Variants in CWF19L2 observed in about 807,000 individuals in gnomAD.
CWF19L2 encodes the protein CWF19-like protein 2.
A neutral mutation model predicts 111.7 loss-of-function variants in CWF19L2; 98 were observed. The ratio of observed to expected loss-of-function variants is 0.88; its 90% CI spans 0.75 to 1.04. CWF19L2 has a LOEUF of 1.04. Among genes scored for constraint, CWF19L2 ranks in the 50% least tolerant of loss-of-function variants. The probability of loss-of-function intolerance (pLI) is 0.00; values close to 1 mark genes in which losing one functional copy is unlikely to be tolerated. For missense variants in CWF19L2, 1,101 were observed against 1,051.4 expected, an observed-to-expected ratio of 1.05 and a Z score of -0.65; for synonymous variants, 351 against 342.9, an observed-to-expected ratio of 1.02 and a Z score of -0.26.
intron 16 of CWF19L2, among the ~76,000 whole-genome samples, chr11:107,332,887 G>A (rs892260304): frequency 1.3e-5 from 2 of 151,850 alleles, no homozygotes; most frequent in East Asian, 1.9e-4. Context: ...TTTGGGAGGC[G>A]GAGGCGGGCA....
intron 16 of CWF19L2, among the ~76,000 whole-genome samples, chr11:107,331,356 ATAT>A (rs542586148): frequency 2.2e-4 from 33 of 152,196 alleles, no homozygotes; most frequent in Admixed American, 2.6e-4. Context: ...GACTTTGCAG[ATAT>A]TATTAAGGAT....
chr11:107,383,088 T>A (rs1240880884), intron 12 of CWF19L2, among the ~76,000 whole-genome samples: 1 of 152,226 alleles, frequency 6.6e-6, no homozygotes, highest in Admixed American at 6.5e-5. Context: ...TATGATAACC[T>A]TTATAATAAA....
At chr11:107,450,262 C>T (rs1861759979) in intron 3 of CWF19L2, among the ~76,000 whole-genome samples, 1 of 151,854 alleles carries the variant, frequency 6.6e-6, no homozygotes, top group Admixed American at 6.6e-5. Context: ...AGATCATAGG[C>T]TAGAATATAA....
rs1389542374 is a variant in CWF19L2 at position 107,334,866 on chromosome 11, A to G, written c.2439+15T>C. 1 of 1,504,456 alleles carries G rather than the reference A, an allele frequency of 6.6e-7. No homozygotes were observed. Among genetic ancestry groups the G allele is most frequent in the Non-Finnish European group, 9.2e-7 (1 of 1,082,938 alleles). 93.2% of individuals were successfully genotyped at this position (1,504,456 alleles called of 1,614,324 possible). A position where few individuals can be genotyped will look rare whatever the true frequency, so the allele number is the denominator to read the frequency against. On this transcript the variant is annotated intron_variant, in intron 16 of 17. Coordinates refer to ENST00000282251, the MANE Select transcript of CWF19L2 (RefSeq NM_152434.3). ...CACTAGGGTAATTTCTTTTACCAGG[A>G]AAAAACATACTTACAGACTTTCTGA... is the stretch of plus-strand genomic sequence containing the variant.
chr11:107,379,449 G>A (rs562580465), intron 12 of CWF19L2, among the ~76,000 whole-genome samples: 3 of 152,334 alleles, frequency 2.0e-5, no homozygotes, highest in Admixed American at 6.5e-5. Flanking sequence ...TATCAATAGC[G>A]CTAAGGCTGT....
At chr11:107,331,442 T>C (rs143301045) in intron 16 of CWF19L2, among the ~76,000 whole-genome samples, 1,749 of 152,174 alleles carry the variant, frequency 0.011, 19 homozygotes, top group Non-Finnish European at 0.019. Flanking sequence ...ATAAGAGAGA[T>C]AGGAAGGTCA....
chr11:107,354,027 G>A (rs1252041880), intron 12 of CWF19L2, among the ~76,000 whole-genome samples: 1 of 151,776 alleles, frequency 6.6e-6, no homozygotes, highest in Non-Finnish European at 1.5e-5. Flanking sequence ...ACTAATAGAT[G>A]AGGAAACTGA....
chr11:107,362,719 G>C (rs1860374229), intron 12 of CWF19L2, among the ~76,000 whole-genome samples: 1 of 151,134 alleles, frequency 6.6e-6, no homozygotes, highest in Non-Finnish European at 1.5e-5. Context: ...CACAAAGATG[G>C]GGAAAAAACA....
Position 107,428,838 on chromosome 11 carries a change from T to C in CWF19L2, c.1394A>G (p.Lys465Arg). Residue 465 changes from lysine (K) to arginine (R), a missense_variant, in exon 8 of 18, where the codon AAA (lysine) becomes AGA (arginine). Coordinates refer to ENST00000282251, the MANE Select transcript of CWF19L2 (RefSeq NM_152434.3). The stretch of plus-strand genomic sequence containing the variant: ...CTTTGTATCCCGTAGATGTTCTTTT[T>C]TTGGAGGGTCATCTCTCAAGACTTC... ...QDEVLRDDPPKKEHLRDTKST... is the reference protein window; with the variant it reads ...QDEVLRDDPPRKEHLRDTKST... The C allele has an allele frequency of 1.2e-6, 2 of 1,612,152 alleles. No homozygotes were observed. The highest frequency in any genetic ancestry group is 2.7e-5 in the African/African-American group (2 of 74,768).
chr11:107,415,650 A>G (rs769621760), intron 10 of CWF19L2, among the ~76,000 whole-genome samples: 1 of 152,220 alleles, frequency 6.6e-6, no homozygotes, highest in African/African-American at 2.4e-5. Context: ...AGTCCAGAAT[A>G]AAAGCAAGAC....
intron 5 of CWF19L2, 49 bp from the exon 6 acceptor site, chr11:107,439,232 A>C: frequency 9.2e-7 from 1 of 1,083,310 alleles, no homozygotes; most frequent in Non-Finnish European, 1.4e-6. Context: ...TTAACAAATT[A>C]TAAAAAATTA....
At chr11:107,377,838 A>C (rs1292593096) in intron 12 of CWF19L2, among the ~76,000 whole-genome samples, 2 of 141,994 alleles carry the variant, frequency 1.4e-5, no homozygotes, top group South Asian at 2.4e-4. Context: ...CAACCTACAA[A>C]ATGGGAGAAA....
chr11:107,359,990 T>C (rs1318499807), intron 12 of CWF19L2, among the ~76,000 whole-genome samples: 1 of 152,246 alleles, frequency 6.6e-6, no homozygotes, highest in Non-Finnish European at 1.5e-5. Flanking sequence ...GGGTGCCTCT[T>C]AGTATTCTCC....
At chr11:107,373,284 C>A (rs1860542765) in intron 12 of CWF19L2, among the ~76,000 whole-genome samples, 1 of 127,562 alleles carries the variant, frequency 7.8e-6, no homozygotes, top group Non-Finnish European at 1.6e-5. Context: ...TCAAGGAGGA[C>A]TGCCTGCCTC....
rs1861039196 is a variant in CWF19L2, at chr11:107,403,681, G to A, written c.1618-10786C>T. On this transcript the variant is annotated intron_variant, in intron 10 of 17. Coordinates refer to ENST00000282251, the MANE Select transcript of CWF19L2 (RefSeq NM_152434.3). ...TTGGTGCTTGTTCTTCCTCAGGAAT[G>A]ATGCTGCCCTGACTGCACTCGGCTT... 37 of 781,412 alleles carry A rather than the reference G, an allele frequency of 4.7e-5. 1 individual carries two copies. In the South Asian group the frequency reaches 5.0e-4, roughly 10 times the overall value. 48.4% of individuals were successfully genotyped at this position (781,412 alleles called of 1,614,324 possible).
intron 7 of CWF19L2, among the ~76,000 whole-genome samples, chr11:107,431,277 T>A (rs981572280): frequency 6.9e-6 from 1 of 145,746 alleles, no homozygotes; most frequent in Admixed American, 6.8e-5. Flanking sequence ...TTTTTAAAAT[T>A]AGGATAATAA....
At chr11:107,353,766 G>A in intron 12 of CWF19L2, 30 bp from the exon 13 acceptor site, 3 of 1,564,276 alleles carry the variant, frequency 1.9e-6, no homozygotes, top group East Asian at 2.2e-5. Context: ...GTAATAGAGA[G>A]TAGAAGGTAG....
At position 107,326,704 on chromosome 11, in the gene CWF19L2, C is replaced by A; in HGVS notation, c.*206G>T. On this transcript the variant is annotated 3_prime_UTR_variant, in exon 18 of 18. Transcript: ENST00000282251. ...AGATCATCGAATATATGTTTTTACT[C>A]CATGGTGACTAAAATGAAGTCCATA... The A allele has an allele frequency of 2.3e-6, 1 of 427,894 alleles. No individual in the cohort carries two copies. 26.5% of individuals were successfully genotyped at this position (427,894 alleles called of 1,614,324 possible). A position where few individuals can be genotyped will look rare whatever the true frequency, so the allele number is the denominator to read the frequency against.
rs752827846 is a variant in CWF19L2 at position 107,454,515 on chromosome 11, CT to C, written c.273del (p.Glu92LysfsTer45). 456 of 1,454,358 alleles carry C rather than the reference CT, an allele frequency of 3.1e-4. No homozygotes were observed. Among genetic ancestry groups the C allele is most frequent in the Admixed American group, 6.1e-4 (22 of 36,262 alleles). 90.1% of individuals were successfully genotyped at this position (1,454,358 alleles called of 1,614,324 possible). A position where few individuals can be genotyped will look rare whatever the true frequency, so the allele number is the denominator to read the frequency against. On this transcript the variant is annotated frameshift_variant, in exon 3 of 18. Transcript: ENST00000282251. LOFTEE classifies it high-confidence loss of function. ...TGTTTCTTGCTCTTTTTTTTCTTTT[CT>C]TTCTTTGCTTTTTTTGAATGCTTGT... is the stretch of plus-strand genomic sequence containing the variant. ...KKDKHSKKAK[K>X]EKKKKSKKQK...
Sources: gnomAD v4.1 joint callset for allele counts (sites outside exome capture counted in the v4.1 genomes callset) on GRCh38, gnomAD v4.1.1 for gene constraint, MANE v1.5 for transcripts, NCBI Gene and HGNC (gene_info 2026-07-23, HGNC 2026-07-21) for gene names.